MIA2: variants seen among roughly 807,000 people sequenced by gnomAD.
The protein encoded by MIA2 is MIA SH3 domain ER export factor 2.
MIA2 carries 127 observed loss-of-function variants against 167.8 expected under a neutral mutation model. The observed-to-expected ratio is 0.76, with a 90% CI of 0.66 to 0.88. The LOEUF (loss-of-function observed/expected upper bound fraction) is 0.88, where lower values mean the gene tolerates loss of function less well. MIA2 is among the 40% of genes least tolerant of loss of function. The pLI, the probability that MIA2 is intolerant of heterozygous loss-of-function variation, is 0.00. For synonymous variants in MIA2, 552 were observed against 541.9 expected, an observed-to-expected ratio of 1.02 and a Z score of -0.26; for missense variants, 1,690 against 1,624.7, an observed-to-expected ratio of 1.04 and a Z score of -0.69.
chr14:39,266,951 G>A, intron 6 of MIA2: 1 of 664,176 alleles, frequency 1.5e-6, no homozygotes, highest in Non-Finnish European at 1.9e-6. Flanking sequence ...TTGGGGTTGT[G>A]CGGCTCACAC....
intron 14 of MIA2, among the ~76,000 whole-genome samples, chr14:39,300,822 A>C (rs1472784046): frequency 6.6e-6 from 1 of 152,068 alleles, no homozygotes; most frequent in Non-Finnish European, 1.5e-5. Context: ...ATAATAAAAA[A>C]TAGTATAAAG....
In MIA2 at chr14:39,308,513, T is replaced by A. The variant is rs1236334690; in HGVS notation, c.2943T>A (p.Asn981Lys). The A allele has an allele frequency of 1.3e-6, 2 of 1,579,874 alleles. No homozygotes were observed. Among genetic ancestry groups the A allele is most frequent in the Non-Finnish European group, 1.7e-6 (2 of 1,159,580 alleles). The change falls in exon 18 of 29, where the codon AAT (asparagine) becomes AAA (lysine). Residue 981 changes from asparagine to lysine, a missense_variant. Physicochemically the swap from Asn to Lys is moderately conservative, Grantham distance 94. Transcript: ENST00000640607. ...AGTCAGAAAACACACATTTTGAAAA[T>A]GAGAATCAGAAGCTTCAACAGAAAC... ...SLQSENTHFE[N>K]ENQKLQQKLK... is the part of the protein sequence containing the mutation.
chr14:39,267,252 C>T, intron 6 of MIA2: 1 of 1,410,202 alleles, frequency 7.1e-7, no homozygotes, highest in Non-Finnish European at 9.2e-7. Flanking sequence ...TAAAGTATAA[C>T]AAGAGGGTCG....
At chr14:39,264,139 C>T (rs1468302848) in intron 6 of MIA2, among the ~76,000 whole-genome samples, 1 of 152,100 alleles carries the variant, frequency 6.6e-6, no homozygotes, top group Non-Finnish European at 1.5e-5. Flanking sequence ...TTATTTTTCT[C>T]ATCTTTATGT....
At chr14:39,250,154 C>G (rs531092072) in intron 4 of MIA2, among the ~76,000 whole-genome samples, 1 of 152,044 alleles carries the variant, frequency 6.6e-6, no homozygotes, top group Non-Finnish European at 1.5e-5. Flanking sequence ...CAGACTACAA[C>G]CAAACAATAT....
intron 23 of MIA2, among the ~76,000 whole-genome samples, chr14:39,364,744 G>C (rs1266006752): frequency 6.6e-6 from 1 of 150,740 alleles, no homozygotes; most frequent in Non-Finnish European, 1.5e-5. Context: ...GTTTTGTTTT[G>C]TTTTGTTTTT....
chr14:39,281,895 AC>A (rs1387875210), intron 9 of MIA2, among the ~76,000 whole-genome samples: 1 of 152,196 alleles, frequency 6.6e-6, no homozygotes, highest in Non-Finnish European at 1.5e-5. Flanking sequence ...TGCTAGGATT[AC>A]AGGTGTGAGC....
intron 23 of MIA2, among the ~76,000 whole-genome samples, chr14:39,379,229 TGTACCTTTG>T: frequency 6.6e-6 from 1 of 152,294 alleles, no homozygotes; most frequent in Admixed American, 6.5e-5. Flanking sequence ...CTTGCATTAG[TGTACCTTTG>T]GTACTAATGT....
chr14:39,367,218 T>C (rs886886388), intron 23 of MIA2, among the ~76,000 whole-genome samples: 4 of 152,184 alleles, frequency 2.6e-5, no homozygotes, highest in Non-Finnish European at 4.4e-5. Context: ...CTGTGTGTGC[T>C]AGAGTGTTGG....
Position 39,279,768 on chromosome 14 carries a change from G to T in MIA2, c.2130+231G>T, listed in dbSNP as rs543832787. On this transcript the variant is annotated intron_variant, in intron 9 of 28. Transcript: ENST00000640607. ...CTTTTGAGTTTTCCTGACTGATGAG[G>T]TCGAGCACACAAACACATCCTCTGC... Among the ~76,000 whole-genome samples the T allele has an allele frequency of 2.6e-5, 4 of 152,264 alleles. No individual in the cohort carries two copies. In the East Asian group the frequency reaches 7.7e-4, roughly 29 times the overall value.
chr14:39,364,155 C>T (rs1052606470), intron 23 of MIA2, among the ~76,000 whole-genome samples: 11 of 152,074 alleles, frequency 7.2e-5, no homozygotes, highest in African/African-American at 1.4e-4. Flanking sequence ...GTCAAGAGCT[C>T]GAGACCATCC....
At chr14:39,356,969 C>T (rs1322268724) in intron 23 of MIA2, among the ~76,000 whole-genome samples, 3 of 152,076 alleles carry the variant, frequency 2.0e-5, no homozygotes, top group Non-Finnish European at 4.4e-5. Context: ...GCTTTACTTC[C>T]AACTATGTGG....
intron 25 of MIA2, among the ~76,000 whole-genome samples, chr14:39,340,063 G>A (rs932042772): frequency 3.3e-5 from 5 of 152,094 alleles, no homozygotes; most frequent in Admixed American, 1.3e-4. Flanking sequence ...GGCAGGTTTC[G>A]AAATCCTTGG....
chr14:39,387,126 C>A, exon 24 of MIA2: 1 of 538,680 alleles, frequency 1.9e-6, no homozygotes, highest in Non-Finnish European at 3.3e-6. Context: ...CAACGGAAGC[C>A]GACTTTCAAG....
At chr14:39,299,806 G>C in intron 13 of MIA2, 58 bp from the exon 14 acceptor site, 2 of 1,537,324 alleles carry the variant, frequency 1.3e-6, no homozygotes, top group Non-Finnish European at 1.7e-6. Context: ...TGCCTTCTTG[G>C]TATCTTTTAA....
chr14:39,359,363 A>G (rs1240436728), intron 23 of MIA2, among the ~76,000 whole-genome samples: 3 of 152,206 alleles, frequency 2.0e-5, no homozygotes, highest in Admixed American at 2.0e-4. Context: ...GGCGTGGGAT[A>G]TAATCTTCTG....
chr14:39,381,814 CAAAA>C (rs2075170058), intron 23 of MIA2, among the ~76,000 whole-genome samples: 2 of 151,108 alleles, frequency 1.3e-5, no homozygotes, highest in South Asian at 4.2e-4. Flanking sequence ...ACTGAAAAAA[CAAAA>C]ACAAAAAAAC....
rs139866417 is a variant in MIA2, at chr14:39,375,501, GC to G, written c.2249-11382del. On this transcript the variant is annotated intron_variant, in intron 23 of 23. Coordinates refer to the MIA2 transcript ENST00000341502. ...GCCTGAGCTCAGAAGTTCGAGACCA[GC>G]CTGGCCAACATGGCGAAACCCTGTA... Among the ~76,000 whole-genome samples, 90 of 152,246 alleles carry G rather than the reference GC, an allele frequency of 5.9e-4. 2 individuals carry two copies. The East Asian group carries it at 0.016, about 27-fold the overall frequency.
At chr14:39,240,744 T>C in intron 3 of MIA2, 97 bp downstream of exon 3, 1 of 732,094 alleles carries the variant, frequency 1.4e-6, no homozygotes. Context: ...GTACCTTTTA[T>C]AGTAAATGCA....
Sources: gnomAD v4.1 joint callset for allele counts (sites outside exome capture counted in the v4.1 genomes callset) on GRCh38, gnomAD v4.1.1 for gene constraint, MANE v1.5 for transcripts, NCBI Gene and HGNC (gene_info 2026-07-23, HGNC 2026-07-21) for gene names.